ARID3A: variants seen among roughly 807,000 people sequenced by gnomAD.
The protein encoded by ARID3A is AT-rich interactive domain-containing protein 3A.
ARID3A carries 11 observed loss-of-function variants against 52.7 expected under a neutral mutation model. That is an observed-to-expected ratio of 0.21 (90% CI 0.13 to 0.35). ARID3A has a LOEUF of 0.35. Ranked by LOEUF, ARID3A falls within the 10% of genes least tolerant of loss-of-function variation. The probability of loss-of-function intolerance (pLI) is 1.00; values close to 1 mark genes in which losing one functional copy is unlikely to be tolerated. For synonymous variants in ARID3A, 404 were observed against 359.4 expected, an observed-to-expected ratio of 1.12 and a Z score of -1.40; for missense variants, 721 against 838.5, an observed-to-expected ratio of 0.86 and a Z score of 1.73.
intron 1 of ARID3A, among the ~76,000 whole-genome samples, chr19:927,240 C>T (rs2037220210): frequency 6.6e-6 from 1 of 152,150 alleles, no homozygotes; most frequent in Non-Finnish European, 1.5e-5. Flanking sequence ...CCAACGACCA[C>T]CCAGCGCCCC....
intron 1 of ARID3A, among the ~76,000 whole-genome samples, chr19:927,478 G>A (rs1250390644): frequency 6.6e-6 from 1 of 151,998 alleles, no homozygotes; most frequent in Non-Finnish European, 1.5e-5. Context: ...CCGGCGACCC[G>A]GAAGGGTCAT....
chr19:946,597 T>C (rs10406918), intron 3 of ARID3A, among the ~76,000 whole-genome samples: 28,803 of 151,046 alleles, frequency 0.19, 3,061 homozygotes, highest in East Asian at 0.29. Context: ...CCCGCCACCA[T>C]GCCCGGCTAA....
Position 973,104 on chromosome 19 carries a change from A to ATTTT in ARID3A, c.*1057_*1060dup, listed in dbSNP as rs56404084. 142 of 53,668 alleles carry ATTTT rather than the reference A, an allele frequency of 2.6e-3. 24 individuals carry two copies. The highest frequency in any genetic ancestry group is 0.017 in the East Asian group (34 of 2,042). 3.3% of individuals were successfully genotyped at this position (53,668 alleles called of 1,614,324 possible). On this transcript the variant is annotated 3_prime_UTR_variant, in exon 9 of 9. Coordinates refer to ENST00000263620, the MANE Select transcript of ARID3A (RefSeq NM_005224.3). ...GGGCTCTCGAGTCAGGGGCCTGGAA[A>ATTTT]TTTTTTTTTTTTTTTTTTTTTGAGA...
Position 932,528 on chromosome 19 carries a change from G to T in ARID3A, c.479G>T (p.Gly160Val). 2 of 1,521,562 alleles carry T rather than the reference G, an allele frequency of 1.3e-6. No individual in the cohort carries two copies. The highest frequency in any genetic ancestry group is 8.8e-7 in the Non-Finnish European group (1 of 1,138,938). The allele number at this position is 1,521,562 out of a possible 1,614,324, so 94.3% of individuals were successfully genotyped here. A position where few individuals can be genotyped will look rare whatever the true frequency, so the allele number is the denominator to read the frequency against. ...GAGGAGGAGGACGAGGAGGGGCTGG[G>T]CCCCCCAGGCCCTGCCAGCTTGGGC... ...EEEEEDEEGLGPPGPASLGTT... is the reference protein window; with the variant it reads ...EEEEEDEEGLVPPGPASLGTT... Residue 160 changes from glycine (G) to valine (V), a missense_variant, in exon 3 of 9, where the codon GGC (glycine) becomes GTC (valine). This residue lies in a region of ARID3A where 349 missense variants were observed against 297.3 expected (regional missense o/e 1.17). Transcript: ENST00000263620.
chr19:930,655 G>C (rs918359275), intron 2 of ARID3A, among the ~76,000 whole-genome samples: 2 of 149,648 alleles, frequency 1.3e-5, no homozygotes, highest in Non-Finnish European at 3.0e-5. Flanking sequence ...GACTACAGGC[G>C]CCCGCCACCA....
intron 3 of ARID3A, among the ~76,000 whole-genome samples, chr19:951,433 T>G (rs1052181737): frequency 6.6e-6 from 1 of 151,940 alleles, no homozygotes; most frequent in African/African-American, 2.4e-5. Context: ...GGCAGGTGCC[T>G]GTGGTCCCAC....
At chr19:939,597 G>A (rs1183770721) in intron 3 of ARID3A, among the ~76,000 whole-genome samples, 5 of 152,100 alleles carry the variant, frequency 3.3e-5, no homozygotes, top group East Asian at 3.9e-4. Context: ...GGTATCTAAC[G>A]TGTGATCTTC....
At position 964,695 on chromosome 19, in the gene ARID3A, A is replaced by AGCTCTGGGG; in HGVS notation, c.951-134_951-126dup. On this transcript the variant is annotated intron_variant, in intron 5 of 8. Coordinates refer to ENST00000263620, the MANE Select transcript of ARID3A (RefSeq NM_005224.3). This position sits in a 1 kb window ranked among gnomAD's most constrained non-coding sequence, Gnocchi z 5.7. ...TGGAGGGAATGGGCAAAGGCCCAGCAGCTCTGGGGGCTGCTGAGCAAGTCC... is the reference window on the plus strand; with the variant it reads ...TGGAGGGAATGGGCAAAGGCCCAGCAGCTCTGGGGGCTCTGGGGGCTGCTGAGCAAGTCC... 2 of 1,400,198 alleles carry AGCTCTGGGG rather than the reference A, an allele frequency of 1.4e-6. No homozygotes were observed. Among genetic ancestry groups the AGCTCTGGGG allele is most frequent in the Non-Finnish European group, 1.9e-6 (2 of 1,053,064 alleles). The allele number at this position is 1,400,198 out of a possible 1,614,324, so 86.7% of individuals were successfully genotyped here. A position where few individuals can be genotyped will look rare whatever the true frequency, so the allele number is the denominator to read the frequency against.
intron 3 of ARID3A, among the ~76,000 whole-genome samples, chr19:936,018 C>CT (rs1346224667): frequency 6.7e-6 from 1 of 149,486 alleles, no homozygotes; most frequent in Non-Finnish European, 1.5e-5. Context: ...TCTCGATCTC[C>CT]TGACCTTGTG....
intron 3 of ARID3A, among the ~76,000 whole-genome samples, chr19:946,790 G>A (rs1026641300): frequency 6.6e-6 from 1 of 150,884 alleles, no homozygotes; most frequent in Non-Finnish European, 1.5e-5. Context: ...AATTCTGTTT[G>A]TTTGTTTGTG....
intron 3 of ARID3A, among the ~76,000 whole-genome samples, chr19:934,563 G>T (rs1370193077): frequency 1.3e-5 from 2 of 152,192 alleles, no homozygotes; most frequent in Non-Finnish European, 2.9e-5. Context: ...GCAGCCTCAG[G>T]TATTCCTGGA....
In ARID3A at chr19:964,152, G is replaced by A; in HGVS notation, c.767-96G>A. On this transcript the variant is annotated intron_variant, in intron 4 of 8. Transcript: ENST00000263620. The surrounding 1 kb of genome is among the most constrained non-coding windows in gnomAD (Gnocchi z 5.7). ...TCTGTGGTTGTCACAGCCTGGGCGGGGGAGTGCTCCTGGCATGGAGAGGGC... is the reference window on the plus strand; with the variant it reads ...TCTGTGGTTGTCACAGCCTGGGCGGAGGAGTGCTCCTGGCATGGAGAGGGC... The A allele has an allele frequency of 9.9e-7, 1 of 1,015,206 alleles. No individual in the cohort carries two copies. The highest frequency in any genetic ancestry group is 1.6e-5 in the African/African-American group (1 of 62,680). The allele number at this position is 1,015,206 out of a possible 1,614,324, so 62.9% of individuals were successfully genotyped here.
chr19:940,101 G>A (rs1258590183), intron 3 of ARID3A, among the ~76,000 whole-genome samples: 16 of 152,056 alleles, frequency 1.1e-4, no homozygotes, highest in Admixed American at 1.0e-3. Context: ...CATTGGGGCT[G>A]GGGCTTTGCA....
intron 3 of ARID3A, among the ~76,000 whole-genome samples, chr19:952,169 G>A (rs1254758198): frequency 6.6e-6 from 1 of 151,868 alleles, no homozygotes; most frequent in Non-Finnish European, 1.5e-5. Flanking sequence ...CTCAGGCTGG[G>A]CGTGGTGGTT....
At chr19:962,864 C>T (rs960445513) in intron 4 of ARID3A, among the ~76,000 whole-genome samples, 48 of 152,236 alleles carry the variant, frequency 3.2e-4, no homozygotes, top group African/African-American at 9.4e-4. Context: ...ACTGGTGTCC[C>T]GAGTGGGGCC....
At chr19:936,243 C>T (rs1050900857) in intron 3 of ARID3A, among the ~76,000 whole-genome samples, 1 of 152,202 alleles carries the variant, frequency 6.6e-6, no homozygotes, top group Non-Finnish European at 1.5e-5. Context: ...ATATGCCATA[C>T]AATTCACTGT....
rs533066843 is a variant in ARID3A at position 963,584 on chromosome 19, G to C, written c.767-664G>C. Among the ~76,000 whole-genome samples the C allele has an allele frequency of 2.0e-5, 3 of 152,268 alleles. No individual in the cohort carries two copies. In the South Asian group the frequency reaches 6.2e-4, roughly 31 times the overall value. ...GTCTGCAGCCGGCTCCAGGAGTTGA[G>C]GGGCAGGAACCTGAGTCAGCCCAGC... On this transcript the variant is annotated intron_variant, in intron 4 of 8. Coordinates refer to ENST00000263620, the MANE Select transcript of ARID3A (RefSeq NM_005224.3).
rs530315378 is a variant in ARID3A, at chr19:930,294, G to A, written c.368+398G>A. Among the ~76,000 whole-genome samples the A allele has an allele frequency of 8.4e-4, 128 of 151,974 alleles. 1 individual carries two copies. The highest frequency in any genetic ancestry group is 1.5e-3 in the Non-Finnish European group (105 of 67,958). Reference sequence around the variant, plus strand: ...TAGCCGGGTGCTGTGGCTTACGCCCGTAATCCCAGCACTTTGGGAGGTCGA... The same window carrying A: ...TAGCCGGGTGCTGTGGCTTACGCCCATAATCCCAGCACTTTGGGAGGTCGA... On this transcript the variant is annotated intron_variant, in intron 2 of 8. Coordinates refer to ENST00000263620, the MANE Select transcript of ARID3A (RefSeq NM_005224.3).
At chr19:932,277 C>T (rs768820642) in intron 2 of ARID3A, 141 bp from the exon 3 acceptor site, 37 of 1,468,834 alleles carry the variant, frequency 2.5e-5, no homozygotes, top group Middle Eastern at 2.5e-4. Flanking sequence ...CTCATGAGCG[C>T]TCTCTGCAGT....
Sources: allele counts gnomAD v4.1 joint callset (sites outside exome capture counted in the v4.1 genomes callset), GRCh38; gene constraint gnomAD v4.1.1; regional missense constraint gnomAD v4.1.1; non-coding constraint Gnocchi (gnomAD v3.1); transcripts MANE v1.5; gene names NCBI Gene and HGNC (gene_info 2026-07-23, HGNC 2026-07-21).